Variants in PRCP observed in about 807,000 individuals in gnomAD.
The protein encoded by PRCP is prolylcarboxypeptidase.
In PRCP, 46 loss-of-function variants were observed where a neutral mutation model predicts 54.2. That is an observed-to-expected ratio of 0.85 (90% CI 0.67 to 1.09). PRCP has a LOEUF of 1.09. Ranked by LOEUF, PRCP falls within the 50% of genes least tolerant of loss-of-function variation. The probability of loss-of-function intolerance (pLI) is 0.00; values close to 1 mark genes in which losing one functional copy is unlikely to be tolerated. For synonymous variants in PRCP, 240 were observed against 212.2 expected, an observed-to-expected ratio of 1.13 and a Z score of -1.14; for missense variants, 613 against 596.8, an observed-to-expected ratio of 1.03 and a Z score of -0.28.
At chr11:82,856,890 G>A (rs1010008212) in intron 2 of PRCP, among the ~76,000 whole-genome samples, 1 of 151,972 alleles carries the variant, frequency 6.6e-6, no homozygotes, top group Non-Finnish European at 1.5e-5. Flanking sequence ...CAAAAAATTA[G>A]CCGGGCGTGG....
At chr11:82,825,184 A>G in intron 8 of PRCP, 62 bp from the exon 9 acceptor site, 3 of 1,439,624 alleles carry the variant, frequency 2.1e-6, no homozygotes, top group Non-Finnish European at 2.9e-6. Flanking sequence ...CACTCAGATA[A>G]GCTAGAAGAA....
chr11:82,900,219 C>A lies in PRCP; in HGVS notation c.168+16G>T. 6.2e-7 allele frequency: 1 copy of A among 1,613,426 alleles called. No individual in the cohort carries two copies. The highest frequency in any genetic ancestry group is 8.5e-7 in the Non-Finnish European group (1 of 1,179,682). On this transcript the variant is annotated intron_variant, in intron 1 of 8. Transcript: ENST00000313010. ...GCGGTTGGGCCTGGGACGGCGAAGC[C>A]CCCGCTCCCCCTTACCTTCTGTTGG...
At chr11:82,879,649 T>G (rs565927093) in intron 1 of PRCP, among the ~76,000 whole-genome samples, 4 of 152,358 alleles carry the variant, frequency 2.6e-5, no homozygotes, top group African/African-American at 9.6e-5. Context: ...TGCTCTGGTT[T>G]CTCCCCATCT....
intron 2 of PRCP, among the ~76,000 whole-genome samples, chr11:82,857,363 T>G (rs186547771): frequency 6.6e-6 from 1 of 152,318 alleles, no homozygotes; most frequent in Admixed American, 6.5e-5. Context: ...ACAAGAACAT[T>G]GAGGCACAAG....
chr11:82,866,704 A>T (rs765127442), intron 1 of PRCP, among the ~76,000 whole-genome samples: 4 of 151,982 alleles, frequency 2.6e-5, no homozygotes, highest in Non-Finnish European at 5.9e-5. Flanking sequence ...CATGGCAGAT[A>T]CTTTATAGAT....
intron 1 of PRCP, among the ~76,000 whole-genome samples, chr11:82,878,271 G>A (rs1408759911): frequency 6.6e-6 from 1 of 152,192 alleles, no homozygotes; most frequent in Non-Finnish European, 1.5e-5. Flanking sequence ...ACTTTGGACT[G>A]TGGACTTTTG....
intron 1 of PRCP, among the ~76,000 whole-genome samples, chr11:82,876,755 T>C (rs1040454461): frequency 1.3e-5 from 2 of 152,172 alleles, no homozygotes; most frequent in African/African-American, 4.8e-5. Context: ...TAAACCTCTT[T>C]TTCTTCCCAG....
Position 82,824,768 on chromosome 11 carries a change from C to A in PRCP, c.*138G>T. The A allele has an allele frequency of 2.4e-6, 2 of 845,954 alleles. No individual in the cohort carries two copies. Among genetic ancestry groups the A allele is most frequent in the Non-Finnish European group, 3.6e-6 (2 of 547,946 alleles). The allele number at this position is 845,954 out of a possible 1,614,324, so 52.4% of individuals were successfully genotyped here. A position where few individuals can be genotyped will look rare whatever the true frequency, so the allele number is the denominator to read the frequency against. On this transcript the variant is annotated 3_prime_UTR_variant, in exon 9 of 9. Coordinates refer to ENST00000313010, the MANE Select transcript of PRCP (RefSeq NM_005040.4). ...GGGACACTTGCTCTTACCGTCATCA[C>A]CCTCTATTCTATCTCAACTTTGGCC...
At chr11:82,882,828 A>G (rs1859781968) in intron 1 of PRCP, among the ~76,000 whole-genome samples, 1 of 141,300 alleles carries the variant, frequency 7.1e-6, no homozygotes, top group Non-Finnish European at 1.6e-5. Flanking sequence ...ATATTTCCAT[A>G]TGAGTTGGAG....
At chr11:82,851,880 C>T (rs1858966740) in intron 3 of PRCP, among the ~76,000 whole-genome samples, 2 of 152,264 alleles carry the variant, frequency 1.3e-5, no homozygotes, top group South Asian at 4.2e-4. Flanking sequence ...CTTCTTACCT[C>T]CTCTCTCCCT....
At chr11:82,829,912 A>G (rs1233973522) in intron 8 of PRCP, 1 of 152,238 alleles carries the variant, frequency 6.6e-6, no homozygotes, top group African/African-American at 2.4e-5. Context: ...GATATAAATG[A>G]TTAATAGAAA....
intron 1 of PRCP, among the ~76,000 whole-genome samples, chr11:82,893,902 A>G (rs1319875167): frequency 6.6e-6 from 1 of 152,282 alleles, no homozygotes; most frequent in Non-Finnish European, 1.5e-5. Flanking sequence ...TTAAGTACTT[A>G]GGATAATATT....
intron 6 of PRCP, chr11:82,840,504 G>C (rs1423689537): frequency 1.3e-5 from 2 of 152,130 alleles, no homozygotes; most frequent in South Asian, 4.2e-4. Context: ...TGAAGTGATG[G>C]ATAGGTGAAT....
chr11:82,884,772 A>G (rs931444942), intron 1 of PRCP: 10 of 1,607,818 alleles, frequency 6.2e-6, no homozygotes, highest in Admixed American at 3.4e-5. Context: ...AACCAAGTTC[A>G]TGGCTTTCAG....
At chr11:82,848,336 C>T (rs1858858948) in intron 6 of PRCP, among the ~76,000 whole-genome samples, 1 of 152,204 alleles carries the variant, frequency 6.6e-6, no homozygotes. Context: ...AAAATTTATA[C>T]TGTAATGTGT....
At chr11:82,900,085 G>T in intron 1 of PRCP, 150 bp downstream of exon 1, 2 of 1,012,362 alleles carry the variant, frequency 2.0e-6, no homozygotes, top group Non-Finnish European at 2.9e-6. Context: ...TGGGATTTGG[G>T]ACCACCTTCT....
At chr11:82,839,655 A>AATG in intron 6 of PRCP, 1 of 505,380 alleles carries the variant, frequency 2.0e-6, no homozygotes, top group Non-Finnish European at 3.4e-6. Context: ...ATGGTATGCA[A>AATG]AGTCCTCTCC....
chr11:82,884,576 T>C (rs2121251382), intron 1 of PRCP, among the ~76,000 whole-genome samples: 1 of 152,252 alleles, frequency 6.6e-6, no homozygotes, highest in East Asian at 1.9e-4. Context: ...TCCAGTTGTG[T>C]CAAGTCTTAA....
upstream of PRCP, chr11:82,900,900 A>T: frequency 2.2e-6 from 1 of 456,266 alleles, no homozygotes; most frequent in Admixed American, 2.3e-5. Flanking sequence ...TTGAAGGTTC[A>T]CTACAGGCCA....
Sources: gnomAD v4.1 joint callset for allele counts (sites outside exome capture counted in the v4.1 genomes callset) on GRCh38, gnomAD v4.1.1 for gene constraint, MANE v1.5 for transcripts, NCBI Gene and HGNC (gene_info 2026-07-23, HGNC 2026-07-21) for gene names.